The following CEP57 variants were observed in gnomAD, a reference collection of about 807,000 sequenced individuals.
CEP57 encodes centrosomal protein 57, also known as centrosomal protein of 57 kDa.
CEP57 carries 40 observed loss-of-function variants against 68.0 expected under a neutral mutation model. That is an observed-to-expected ratio of 0.59 (90% CI 0.46 to 0.77). CEP57 has a LOEUF of 0.77. Ranked by LOEUF, CEP57 falls within the 30% of genes least tolerant of loss-of-function variation. The probability of loss-of-function intolerance (pLI) is 0.00; values close to 1 mark genes in which losing one functional copy is unlikely to be tolerated. For synonymous variants in CEP57, 219 were observed against 198.7 expected, an observed-to-expected ratio of 1.10 and a Z score of -0.86; for missense variants, 606 against 580.7, an observed-to-expected ratio of 1.04 and a Z score of -0.45.
chr11:95,821,892 A>C lies in CEP57; in HGVS notation c.721A>C (p.Asn241His), dbSNP rs755015433. 4 of 1,611,848 alleles carry C rather than the reference A, an allele frequency of 2.5e-6. No homozygotes were observed. In the African/African-American group the frequency reaches 5.3e-5, roughly 22 times the overall value. Residue 241 changes from asparagine (N) to histidine (H), a missense_variant, in exon 7 of 11, where the codon AAT becomes CAT. Asn to His is a moderately conservative substitution (Grantham distance 68, BLOSUM62 1). Coordinates refer to ENST00000325542, the MANE Select transcript of CEP57 (RefSeq NM_014679.5). ...AAELQTGLETNRLIFEDKATP... is the reference protein window; with the variant it reads ...AAELQTGLETHRLIFEDKATP... Reference sequence around the variant, plus strand: ...CTAGTTGCAGACTGGTCTAGAAACAAATAGACTTATCTTTGAAGATAAGGC... The same window carrying C: ...CTAGTTGCAGACTGGTCTAGAAACACATAGACTTATCTTTGAAGATAAGGC...
intron 2 of CEP57, among the ~76,000 whole-genome samples, chr11:95,810,371 A>G (rs981457772): frequency 3.5e-4 from 53 of 152,192 alleles, no homozygotes; most frequent in African/African-American, 1.2e-3. Context: ...CAGGAGAAAG[A>G]AATAAAGGGT....
intron 8 of CEP57, chr11:95,827,387 T>G: frequency 4.0e-6 from 1 of 251,852 alleles, no homozygotes; most frequent in Non-Finnish European, 7.9e-6. Context: ...ATGGACTGAT[T>G]GATTACCTGG....
chr11:95,822,453 TATC>T (rs1862556018), intron 7 of CEP57, 43 bp from the exon 8 acceptor site: 3 of 1,463,490 alleles, frequency 2.0e-6, no homozygotes, highest in African/African-American at 1.4e-5. Context: ...CAGTTTTTAT[TATC>T]ATGTGAATAA....
intron 4 of CEP57, among the ~76,000 whole-genome samples, chr11:95,814,417 A>G (rs1273169900): frequency 1.4e-5 from 2 of 146,902 alleles, no homozygotes; most frequent in African/African-American, 5.1e-5. Flanking sequence ...CTGGAGAGCA[A>G]CGGCGTGATC....
At chr11:95,806,648 C>G (rs756239165) in intron 2 of CEP57, among the ~76,000 whole-genome samples, 1 of 152,204 alleles carries the variant, frequency 6.6e-6, no homozygotes, top group Non-Finnish European at 1.5e-5. Flanking sequence ...TGAGATCCAA[C>G]TGCAAGGCTG....
chr11:95,820,512 A>C (rs149259535), intron 6 of CEP57, among the ~76,000 whole-genome samples: 89 of 144,040 alleles, frequency 6.2e-4, no homozygotes, highest in African/African-American at 2.2e-3. Flanking sequence ...AATCGCTTGA[A>C]CCTGGGAGGT....
intron 9 of CEP57, 54 bp from the exon 10 acceptor site, chr11:95,829,133 C>A (rs1313750799): frequency 1.3e-6 from 2 of 1,594,266 alleles, no homozygotes; most frequent in East Asian, 4.5e-5. Context: ...TATAATAGAC[C>A]TAACCATGAA....
rs1409197145 is a variant in CEP57 at position 95,831,689 on chromosome 11, C to G, written c.*433C>G. On this transcript the variant is annotated 3_prime_UTR_variant, in exon 11 of 11. Coordinates refer to ENST00000325542, the MANE Select transcript of CEP57 (RefSeq NM_014679.5). ...TCTCCCTGGCATGAGGTGCCCACTTCCCCTTTCCAAAGCAACCATTAAACA... is the reference window on the plus strand; with the variant it reads ...TCTCCCTGGCATGAGGTGCCCACTTGCCCTTTCCAAAGCAACCATTAAACA... 1 of 152,452 alleles carries G rather than the reference C, an allele frequency of 6.6e-6. No individual in the cohort carries two copies. The highest frequency in any genetic ancestry group is 1.5e-5 in the Non-Finnish European group (1 of 68,264). The allele number at this position is 152,452 out of a possible 1,614,324, so 9.4% of individuals were successfully genotyped here. A position where few individuals can be genotyped will look rare whatever the true frequency, so the allele number is the denominator to read the frequency against.
Position 95,822,540 on chromosome 11 carries a change from A to G in CEP57, c.849A>G (p.Arg283=). ...RNYFGAQPHY[R]LCLGDMPFVA... ...ATTTTGGTGCACAACCACATTATAG[A>G]TTATGCTTGGGTGATATGCCATTTG... Residue 283 remains arginine (R), a synonymous_variant, in exon 8 of 11, where the codon AGA becomes AGG. Transcript: ENST00000325542. 6.2e-7 allele frequency: 1 copy of G among 1,613,820 alleles called. No homozygotes were observed. Among genetic ancestry groups the G allele is most frequent in the Non-Finnish European group, 8.5e-7 (1 of 1,179,768 alleles).
intron 4 of CEP57, among the ~76,000 whole-genome samples, chr11:95,814,523 G>A (rs1862218459): frequency 6.6e-6 from 1 of 152,122 alleles, no homozygotes; most frequent in Non-Finnish European, 1.5e-5. Context: ...ACCACACCCG[G>A]CTAATTTTGT....
Position 95,829,265 on chromosome 11 carries a change from G to GTGT in CEP57, c.1206_1207insTGT (p.Glu402_Ala403insCys). On this transcript the variant is annotated inframe_insertion, in exon 10 of 11. Transcript: ENST00000325542. ...AAGACAAGTTGGAGTGTGAATTGGA[G>GTGT]GCATTAGTGGGAAGGATGGAAGCAA... 1 of 1,614,030 alleles carries GTGT rather than the reference G, an allele frequency of 6.2e-7. No individual in the cohort carries two copies. The highest frequency in any genetic ancestry group is 8.5e-7 in the Non-Finnish European group (1 of 1,179,992).
intron 2 of CEP57, among the ~76,000 whole-genome samples, chr11:95,800,469 C>T (rs1861530377): frequency 6.6e-6 from 1 of 151,908 alleles, no homozygotes; most frequent in East Asian, 1.9e-4. Context: ...GATCCCGGCT[C>T]ACTGCAACCT....
intron 2 of CEP57, among the ~76,000 whole-genome samples, chr11:95,810,064 G>A (rs762935818): frequency 5.3e-5 from 8 of 152,122 alleles, no homozygotes; most frequent in Middle Eastern, 3.2e-3. Context: ...ATCAGTAAAC[G>A]TAATTCATCA....
intron 1 of CEP57, among the ~76,000 whole-genome samples, chr11:95,798,169 C>A (rs1861426938): frequency 6.6e-6 from 1 of 152,130 alleles, no homozygotes; most frequent in Non-Finnish European, 1.5e-5. Flanking sequence ...CTCCTAAGCT[C>A]TTTGTCCCCA....
chr11:95,796,333 T>C (rs1169561583), intron 1 of CEP57, among the ~76,000 whole-genome samples: 1 of 152,228 alleles, frequency 6.6e-6, no homozygotes, highest in African/African-American at 2.4e-5. Flanking sequence ...AAGTTTCTCC[T>C]ACAATCATAT....
chr11:95,813,070 A>G lies in CEP57; in HGVS notation c.341A>G (p.Glu114Gly), dbSNP rs765402486. ...AAAGTACTGGATGAACAGATACAAG[A>G]AAGGGAGAATTCAAAGAATGAGGAA... ...YKKVLDEQIQ[E>G]RENSKNEESK... Residue 114 changes from glutamate (E) to glycine (G), a missense_variant, in exon 3 of 11, where the codon GAA becomes GGA. By Grantham distance (98) the Glu-to-Gly change is moderately conservative. Coordinates refer to ENST00000325542, the MANE Select transcript of CEP57 (RefSeq NM_014679.5). The G allele has an allele frequency of 1.1e-5, 17 of 1,613,500 alleles. No individual in the cohort carries two copies. The highest frequency in any genetic ancestry group is 1.7e-5 in the Admixed American group (1 of 60,032).
chr11:95,816,531 G>A (rs768934761), intron 4 of CEP57, among the ~76,000 whole-genome samples: 1 of 152,160 alleles, frequency 6.6e-6, no homozygotes, highest in Admixed American at 6.5e-5. Flanking sequence ...ATATGTCTTG[G>A]AGACAACTAT....
intron 10 of CEP57, among the ~76,000 whole-genome samples, chr11:95,830,543 A>G (rs906510439): frequency 6.6e-6 from 1 of 152,216 alleles, no homozygotes; most frequent in Non-Finnish European, 1.5e-5. Flanking sequence ...GTATTAATAC[A>G]TTACCAATTA....
chr11:95,803,628 C>T (rs1861672317), intron 2 of CEP57, among the ~76,000 whole-genome samples: 1 of 136,978 alleles, frequency 7.3e-6, no homozygotes, highest in South Asian at 2.3e-4. Context: ...ATGTCCCAAG[C>T]AATAAATAGA....
Sources: gnomAD v4.1 joint callset for allele counts (sites outside exome capture counted in the v4.1 genomes callset) on GRCh38, gnomAD v4.1.1 for gene constraint, MANE v1.5 for transcripts, NCBI Gene and HGNC (gene_info 2026-07-23, HGNC 2026-07-21) for gene names.